Variants in COPE observed in about 807,000 individuals in gnomAD.
COPE encodes the protein coatomer subunit epsilon.
Under a neutral mutation model 42.1 loss-of-function variants are expected in COPE, and 19 were observed. The observed-to-expected ratio is 0.45, with a 90% CI of 0.31 to 0.66. COPE has a LOEUF of 0.66. Among genes scored for constraint, COPE ranks in the 30% least tolerant of loss-of-function variants. The pLI is 0.05. For synonymous variants in COPE, 195 were observed against 181.3 expected (o/e 1.08, Z -0.60); for missense variants, 402 against 416.1 (o/e 0.97, Z 0.30).
chr19:18,900,852 ACCTTG>A (rs1275892532), intron 7 of COPE, among the ~76,000 whole-genome samples: 1 of 152,106 alleles, frequency 6.6e-6, no homozygotes, highest in Non-Finnish European at 1.5e-5. Flanking sequence ...TCGGCAGGGG[ACCTTG>A]CCTGACTCAC....
intron 3 of COPE, among the ~76,000 whole-genome samples, chr19:18,908,026 A>C (rs1471843005): frequency 6.6e-6 from 1 of 152,152 alleles, no homozygotes; most frequent in East Asian, 1.9e-4. Context: ...AGGAGCAAGG[A>C]GCTCCCAAGA....
intron 1 of COPE, among the ~76,000 whole-genome samples, chr19:18,914,845 C>T (rs575717584): frequency 1.4e-4 from 21 of 150,558 alleles, no homozygotes; most frequent in Admixed American, 3.3e-4. Context: ...CAACCTCTGC[C>T]GCCTGGGTTC....
intron 2 of COPE, among the ~76,000 whole-genome samples, chr19:18,911,841 C>G (rs1254027412): frequency 8.6e-5 from 13 of 150,836 alleles, no homozygotes; most frequent in Non-Finnish European, 1.3e-4. Context: ...TGTGAGCCAC[C>G]ACGCCCGGCC....
chr19:18,915,622 ATGGCCCCAGCAC>A (rs1846897032), intron 1 of COPE, among the ~76,000 whole-genome samples: 1 of 152,172 alleles, frequency 6.6e-6, no homozygotes, highest in African/African-American at 2.4e-5. Context: ...TGGCCCTAGG[ATGGCCCCAGCAC>A]TGGCCCCAGG....
At chr19:18,904,136 T>G (rs1416463526) in intron 6 of COPE, among the ~76,000 whole-genome samples, 3 of 152,230 alleles carry the variant, frequency 2.0e-5, no homozygotes, top group Admixed American at 2.0e-4. Context: ...CAGCTAATTT[T>G]GTATTTTTGG....
At chr19:18,910,255 G>C (rs2056797307) in intron 3 of COPE, among the ~76,000 whole-genome samples, 1 of 152,154 alleles carries the variant, frequency 6.6e-6, no homozygotes, top group South Asian at 2.1e-4. Context: ...GGACAGGCGT[G>C]GCCTCACCCA....
At chr19:18,902,538 G>T (rs1384274398) in intron 7 of COPE, among the ~76,000 whole-genome samples, 1 of 148,916 alleles carries the variant, frequency 6.7e-6, no homozygotes, top group South Asian at 2.1e-4. Context: ...GGTGGCAGCC[G>T]CCTGTAATCC....
chr19:18,904,154 G>A (rs2056735813), intron 6 of COPE, among the ~76,000 whole-genome samples: 1 of 152,238 alleles, frequency 6.6e-6, no homozygotes, highest in African/African-American at 2.4e-5. Flanking sequence ...TGGTAAAGAT[G>A]GGGTTTCTCC....
At chr19:18,910,818 G>A (rs1289081962) in intron 3 of COPE, 153 bp downstream of exon 3, 1 of 658,736 alleles carries the variant, frequency 1.5e-6, no homozygotes, top group African/African-American at 1.8e-5. Context: ...GAGGGAAACT[G>A]AGGCACAAAG....
In COPE at chr19:18,916,944, CAAAAAAAA is replaced by C. The variant is rs34497308; in HGVS notation, c.126+2271_126+2278del. Reference sequence around the variant, plus strand: ...GGTGACACAGAGTGAGATCCTGTCTCAAAAAAAAAAAAAAAAAAAAAAAAAGTATTCCT... The same window carrying C: ...GGTGACACAGAGTGAGATCCTGTCTCAAAAAAAAAAAAAAAAAGTATTCCT... On this transcript the variant is annotated intron_variant, in intron 1 of 9. Transcript: ENST00000262812. Among the ~76,000 whole-genome samples the C allele has an allele frequency of 9.5e-3, 652 of 68,698 alleles. 3 individuals carry two copies. The highest frequency in any genetic ancestry group is 0.034 in the African/African-American group (584 of 17,148). The allele number at this position is 68,698 out of a possible 152,430, so 45.1% of individuals were successfully genotyped here. A position where few individuals can be genotyped will look rare whatever the true frequency, so the allele number is the denominator to read the frequency against.
At chr19:18,904,628 G>A (rs548505032) in intron 6 of COPE, 143 bp downstream of exon 6, 35 of 714,590 alleles carry the variant, frequency 4.9e-5, no homozygotes, top group Non-Finnish European at 8.2e-5. Flanking sequence ...TCAAGGCTGA[G>A]TTATGCCAGG....
At chr19:18,910,631 C>T (rs114685330) in intron 3 of COPE, 3,080 of 264,364 alleles carry the variant, frequency 0.012, 94 homozygotes, top group African/African-American at 0.061. Context: ...GCCCCCGCTG[C>T]GCCCTGGGCT....
chr19:18,910,819 A>G, intron 3 of COPE, 152 bp downstream of exon 3: 1 of 658,924 alleles, frequency 1.5e-6, no homozygotes, highest in Non-Finnish European at 2.7e-6. Flanking sequence ...AGGGAAACTG[A>G]GGCACAAAGC....
chr19:18,909,519 CT>C (rs59105113), intron 3 of COPE, among the ~76,000 whole-genome samples: 84,799 of 133,808 alleles, frequency 0.63, 27,695 homozygotes, highest in African/African-American at 0.77. Context: ...GGCCTCTTTC[CT>C]TTTTTTTTTT....
At chr19:18,902,680 G>C (rs1292421510) in intron 7 of COPE, among the ~76,000 whole-genome samples, 1 of 68,034 alleles carries the variant, frequency 1.5e-5, no homozygotes, top group Non-Finnish European at 2.8e-5. Flanking sequence ...AAAAAAAAAA[G>C]AAGAAAGGAA....
intron 4 of COPE, 68 bp from the exon 5 acceptor site, chr19:18,905,697 A>C: frequency 6.7e-7 from 1 of 1,496,150 alleles, no homozygotes; most frequent in Non-Finnish European, 9.1e-7. Context: ...CTCCACACCC[A>C]GGGCTCACTG....
At chr19:18,900,564 G>T in intron 7 of COPE, 115 bp from the exon 8 acceptor site, 1 of 738,218 alleles carries the variant, frequency 1.4e-6, no homozygotes, top group Non-Finnish European at 2.3e-6. Flanking sequence ...AGGTGGGGTG[G>T]GACTGACACC....
intron 3 of COPE, among the ~76,000 whole-genome samples, chr19:18,908,167 C>T (rs910335927): frequency 2.0e-5 from 3 of 152,162 alleles, no homozygotes; most frequent in African/African-American, 4.8e-5. Flanking sequence ...TACTGTGGCT[C>T]ACACCTGTAA....
chr19:18,903,324 T>C lies in COPE; in HGVS notation c.679A>G (p.Met227Val), dbSNP rs774583369. The change falls in exon 7 of 10, where the codon ATG (methionine) becomes GTG (valine). Residue 227 changes from methionine (M) to valine (V), a missense_variant. By Grantham distance (21) the Met-to-Val change is conservative. Coordinates refer to ENST00000262812, the MANE Select transcript of COPE (RefSeq NM_007263.4). ...GCGGCCTCCCAGCGGCCCTGGGCCA[T>C]GTGGCAGGCCGCCTGCCCATTGAGC... is the stretch of plus-strand genomic sequence containing the variant. The part of the protein sequence containing the change: ...LLLNGQAACH[M>V]AQGRWEAAEG... 4.4e-5 allele frequency: 71 copies of C among 1,612,288 alleles called. 1 individual carries two copies. The East Asian group carries it at 1.5e-3, about 35-fold the overall frequency.
Sources: allele counts gnomAD v4.1 joint callset (sites outside exome capture counted in the v4.1 genomes callset), GRCh38; gene constraint gnomAD v4.1.1; transcripts MANE v1.5; gene names NCBI Gene and HGNC (gene_info 2026-07-23, HGNC 2026-07-21).